FANCA: variants seen among roughly 807,000 people sequenced by gnomAD.
FANCA encodes the protein FA complementation group A, also known as Fanconi anemia group A protein.
FANCA carries 236 observed loss-of-function variants against 194.3 expected under a neutral mutation model. The observed-to-expected ratio is 1.21, with a 90% confidence interval of 1.09 to 1.35. The LOEUF (loss-of-function observed/expected upper bound fraction) is 1.35, where lower values mean the gene tolerates loss of function less well. FANCA is among the 40% of genes most tolerant of loss of function. The probability of loss-of-function intolerance (pLI) is 0.00; values close to 1 mark genes in which losing one functional copy is unlikely to be tolerated. For missense variants in FANCA, 2,628 were observed against 1,813.9 expected (o/e 1.45, Z -8.15); for synonymous variants, 1,014 against 715.8 (o/e 1.42, Z -6.65).
intron 5 of FANCA, among the ~76,000 whole-genome samples, chr16:89,808,934 C>G (rs1176697309): frequency 6.6e-6 from 1 of 151,404 alleles, no homozygotes; most frequent in East Asian, 1.9e-4. Flanking sequence ...GAGACAGAGT[C>G]GCGCTCTGTC....
chr16:89,789,538 TTAAG>T (rs751122102), intron 14 of FANCA, among the ~76,000 whole-genome samples: 12 of 149,648 alleles, frequency 8.0e-5, no homozygotes, highest in Non-Finnish European at 1.6e-4. Flanking sequence ...CCTCCTCGGC[TTAAG>T]TAATCATCCT....
rs2040826690 is a variant in FANCA, at chr16:89,810,304, C to G, written c.522+403G>C. On this transcript the variant is annotated intron_variant, in intron 5 of 42. Coordinates refer to ENST00000389301, the MANE Select transcript of FANCA (RefSeq NM_000135.4). ...CGCCACTGCACTCCAGCCTGTGCGA[C>G]AGAGCGAGACTTCGTCTCAAAAAAA... 2.1e-5 allele frequency among the ~76,000 whole-genome samples: 3 copies of G among 144,152 alleles called. No homozygotes were observed. In the Admixed American group the frequency reaches 2.2e-4, roughly 10 times the overall value. The allele number at this position is 144,152 out of a possible 152,430, so 94.6% of individuals were successfully genotyped here.
intron 3 of FANCA, among the ~76,000 whole-genome samples, chr16:89,813,745 T>C (rs2040993782): frequency 6.6e-6 from 1 of 152,040 alleles, no homozygotes; most frequent in Non-Finnish European, 1.5e-5. Context: ...CAATGCCAAT[T>C]TCTAGTCATT....
Position 89,779,930 on chromosome 16 carries a change from C to A in FANCA, c.1654G>T (p.Glu552Ter), listed in dbSNP as rs1012809189. The A allele has an allele frequency of 6.2e-7, 1 of 1,614,212 alleles. No homozygotes were observed. Residue 552 changes from glutamate to a stop codon, truncating the protein, a stop_gained, in exon 18 of 43, where the codon GAA (glutamate) becomes TAA (stop). Coordinates refer to ENST00000389301, the MANE Select transcript of FANCA (RefSeq NM_000135.4). LOFTEE classifies it high-confidence loss of function. Reference protein sequence around the residue: ...EPHSQALQDVEKAIMVFEHTG... With the variant: ...EPHSQALQDV ...TGCTCAAACACCATGATGGCCTTTT[C>A]AACATCCTGAAGAGCTTGGCTGTGG...
At chr16:89,749,541 A>G (rs780996038) in intron 32 of FANCA, among the ~76,000 whole-genome samples, 189 bp downstream of exon 32, 1 of 152,224 alleles carries the variant, frequency 6.6e-6, no homozygotes, top group Non-Finnish European at 1.5e-5. Context: ...GGTTTTAATC[A>G]AAAGTACTTT....
intron 30 of FANCA, among the ~76,000 whole-genome samples, chr16:89,754,672 C>T (rs12923946): frequency 0.71 from 108,628 of 152,070 alleles, 40,634 homozygotes; most frequent in East Asian, 0.99. Flanking sequence ...CCTGGCCAGA[C>T]ACGATCTTAT....
chr16:89,785,364 T>G (rs892511079), intron 14 of FANCA, among the ~76,000 whole-genome samples: 1 of 152,200 alleles, frequency 6.6e-6, no homozygotes, highest in Non-Finnish European at 1.5e-5. Flanking sequence ...AAGAAGTGTT[T>G]GTGCACAGCA....
At chr16:89,796,151 A>C in intron 10 of FANCA, 133 bp from the exon 11 acceptor site, 1 of 728,390 alleles carries the variant, frequency 1.4e-6, no homozygotes, top group Non-Finnish European at 2.4e-6. Flanking sequence ...CCAGGCCACT[A>C]TAACCACAGA....
At position 89,739,165 on chromosome 16, in the gene FANCA, G is replaced by C. The variant is rs372493612; in HGVS notation, c.4135C>G (p.Pro1379Ala). ...VAGDTSTVSP[P>A]AGRSLELKGQ... Reference sequence around the variant, plus strand: ...TTGAGCTCCAGGCTCCTGCCAGCTGGAGGTGAAACTGTGCTTGTATCCCCA... The same window carrying C: ...TTGAGCTCCAGGCTCCTGCCAGCTGCAGGTGAAACTGTGCTTGTATCCCCA... The change falls in exon 41 of 43, where the codon CCA (proline) becomes GCA (alanine). Residue 1379 changes from proline (P) to alanine (A), a missense_variant. Physicochemically the swap from Pro to Ala is conservative, Grantham distance 27. Coordinates refer to ENST00000389301, the MANE Select transcript of FANCA (RefSeq NM_000135.4). The C allele has an allele frequency of 6.2e-7, 1 of 1,614,152 alleles. No homozygotes were observed. Among genetic ancestry groups the C allele is most frequent in the Non-Finnish European group, 8.5e-7 (1 of 1,180,042 alleles).
At chr16:89,742,635 C>T (rs370957024) in intron 37 of FANCA, among the ~76,000 whole-genome samples, 165 bp downstream of exon 37, 1 of 129,408 alleles carries the variant, frequency 7.7e-6, no homozygotes, top group Non-Finnish European at 1.7e-5. Flanking sequence ...CAGTGAAACC[C>T]CGTCTCTACT....
intron 30 of FANCA, among the ~76,000 whole-genome samples, chr16:89,757,509 G>T (rs2038805429): frequency 6.6e-6 from 1 of 152,182 alleles, no homozygotes; most frequent in African/African-American, 2.4e-5. Context: ...CATACTACAT[G>T]ATTCTGTTGA....
intron 38 of FANCA, 72 bp from the exon 39 acceptor site, chr16:89,740,171 C>CTTCTG: frequency 8.3e-7 from 1 of 1,201,828 alleles, no homozygotes; most frequent in Non-Finnish European, 1.2e-6. Flanking sequence ...GTACAGCCCT[C>CTTCTG]AGCACAGAAG....
intron 5 of FANCA, 75 bp from the exon 6 acceptor site, chr16:89,808,442 T>A: frequency 6.9e-7 from 1 of 1,448,024 alleles, no homozygotes; most frequent in African/African-American, 1.4e-5. Context: ...ATGAATGCAT[T>A]TTCCTACAAA....
chr16:89,803,725 C>T (rs1242721143), intron 7 of FANCA, among the ~76,000 whole-genome samples: 3 of 151,222 alleles, frequency 2.0e-5, no homozygotes, highest in Non-Finnish European at 2.9e-5. Context: ...CAGGTTCAAG[C>T]AATTCTCTGC....
At chr16:89,807,626 T>C (rs1163043388) in intron 6 of FANCA, among the ~76,000 whole-genome samples, 1 of 152,158 alleles carries the variant, frequency 6.6e-6, no homozygotes, top group East Asian at 1.9e-4. Flanking sequence ...GGTTCATGCC[T>C]GTAATCCCAG....
Position 89,784,917 on chromosome 16 carries a change from G to T in FANCA, c.1407C>A (p.Ala469=). ...TRGYHGCSKK[A]LVFLFTFLSE... ...ACAAGAACGTAAACAGGAAGACCAGGGCCTTCTTGCTGCAGCCATGGTAGC... is the reference window on the plus strand; with the variant it reads ...ACAAGAACGTAAACAGGAAGACCAGTGCCTTCTTGCTGCAGCCATGGTAGC... Residue 469 remains alanine, a synonymous_variant, in exon 15 of 43, where the codon GCC becomes GCA. Transcript: ENST00000389301. 1 of 1,614,154 alleles carries T rather than the reference G, an allele frequency of 6.2e-7. No homozygotes were observed. The highest frequency in any genetic ancestry group is 8.5e-7 in the Non-Finnish European group (1 of 1,180,018).
chr16:89,755,687 A>C (rs938792328), intron 30 of FANCA, among the ~76,000 whole-genome samples: 8 of 152,274 alleles, frequency 5.3e-5, no homozygotes, highest in Admixed American at 5.2e-4. Context: ...TAAGAACTTT[A>C]TCTAAAATAT....
chr16:89,759,997 G>A (rs1431547037), intron 29 of FANCA, among the ~76,000 whole-genome samples: 1 of 152,178 alleles, frequency 6.6e-6, no homozygotes, highest in Non-Finnish European at 1.5e-5. Flanking sequence ...CGGGACCGGG[G>A]TGCTCCACCC....
intron 11 of FANCA, among the ~76,000 whole-genome samples, chr16:89,794,142 ATTT>A (rs2040166451): frequency 6.6e-6 from 1 of 152,148 alleles, no homozygotes; most frequent in South Asian, 2.1e-4. Context: ...TTTGTTGCCT[ATTT>A]GCTATATCAT....
Sources: allele counts gnomAD v4.1 joint callset (sites outside exome capture counted in the v4.1 genomes callset), GRCh38; gene constraint gnomAD v4.1.1; transcripts MANE v1.5; gene names NCBI Gene and HGNC (gene_info 2026-07-23, HGNC 2026-07-21).